CFAP74: variants seen among roughly 807,000 people sequenced by gnomAD.
CFAP74 encodes cilia- and flagella-associated protein 74.
In CFAP74, 124 loss-of-function variants were observed where a neutral mutation model predicts 188.9. That is an observed-to-expected ratio of 0.66 (90% CI 0.57 to 0.76). The LOEUF (loss-of-function observed/expected upper bound fraction) is 0.76. Among genes scored for constraint, CFAP74 ranks in the 30% least tolerant of loss-of-function variants. The pLI is 0.00. For synonymous variants in CFAP74, 956 were observed against 916.7 expected (o/e 1.04, Z -0.77); for missense variants, 2,198 against 2,165.2 (o/e 1.02, Z -0.30).
chr1:1,942,163 G>A lies in CFAP74; in HGVS notation c.2487-7C>T. The stretch of plus-strand genomic sequence containing the variant: ...GCGCAGGGCAGCTTTCGACCTGTGG[G>A]CGTGTCGCAGGGCACTGGGTCAGGT... On this transcript the variant is annotated splice_polypyrimidine_tract_variant and splice_region_variant and intron_variant, in intron 21 of 38. Coordinates refer to ENST00000682832, the MANE Select transcript of CFAP74 (RefSeq NM_001304360.2). This position sits in a 1 kb window ranked among gnomAD's most constrained non-coding sequence, Gnocchi z 4.3. The A allele has an allele frequency of 6.7e-7, 1 of 1,502,332 alleles. No homozygotes were observed. The highest frequency in any genetic ancestry group is 8.8e-7 in the Non-Finnish European group (1 of 1,130,682). 93.1% of individuals were successfully genotyped at this position (1,502,332 alleles called of 1,614,324 possible).
intron 6 of CFAP74, 182 bp downstream of exon 6, chr1:1,985,203 GA>G: frequency 7.3e-6 from 4 of 548,610 alleles, no homozygotes; most frequent in Non-Finnish European, 1.3e-5. Context: ...CAGAGAAACT[GA>G]AAAAGGCAAC....
intron 6 of CFAP74, chr1:1,984,302 T>A (rs1259696939): frequency 4.0e-5 from 4 of 100,822 alleles, no homozygotes; most frequent in African/African-American, 1.4e-4. Context: ...CCCAAAAACT[T>A]TTTTTTTTTT....
chr1:1,986,209 C>T (rs1657225415), intron 5 of CFAP74, among the ~76,000 whole-genome samples: 1 of 152,226 alleles, frequency 6.6e-6, no homozygotes, highest in African/African-American at 2.4e-5. Context: ...ATGGTGAAAC[C>T]CTGTCTCTAC....
rs1301960142 is a variant in CFAP74 at position 1,968,483 on chromosome 1, T to G, written c.1245+152A>C. 7 of 674,638 alleles carry G rather than the reference T, an allele frequency of 1.0e-5. No homozygotes were observed. The East Asian group carries it at 1.5e-4, about 14-fold the overall frequency. The allele number at this position is 674,638 out of a possible 1,614,324, so 41.8% of individuals were successfully genotyped here. ...GTGTCTTGTCCCCTTGTCCTTGAGCTGAGTGGCGGCCACTCAGCGGGCTCA... is the reference window on the plus strand; with the variant it reads ...GTGTCTTGTCCCCTTGTCCTTGAGCGGAGTGGCGGCCACTCAGCGGGCTCA... On this transcript the variant is annotated intron_variant, in intron 11 of 38. Transcript: ENST00000682832. This position sits in a 1 kb window ranked among gnomAD's most constrained non-coding sequence, Gnocchi z 4.3.
chr1:1,928,937 A>G (rs2102033307), intron 26 of CFAP74, 55 bp from the exon 27 acceptor site: 1 of 1,280,790 alleles, frequency 7.8e-7, no homozygotes, highest in South Asian at 1.3e-5. Context: ...ACCTCCCCGG[A>G]GCCCCTGCGG....
rs1481378342 is a variant in CFAP74, at chr1:1,945,444, G to A, written c.2364+873C>T. ...TGAGCCGAGGACTCTGAACACTGTC[G>A]AGGATGCCAGGAGCCTCAACCTGGG... On this transcript the variant is annotated intron_variant, in intron 20 of 38. Transcript: ENST00000682832. Among the ~76,000 whole-genome samples the A allele has an allele frequency of 6.6e-5, 10 of 152,166 alleles. 1 individual carries two copies. Among genetic ancestry groups the A allele is most frequent in the African/African-American group, 1.2e-4 (5 of 41,426 alleles).
chr1:1,937,984 T>A (rs1653018192), intron 25 of CFAP74, among the ~76,000 whole-genome samples: 1 of 151,926 alleles, frequency 6.6e-6, no homozygotes, highest in Non-Finnish European at 1.5e-5. Context: ...TCACGCATGG[T>A]CGCACACTCA....
At chr1:1,995,686 G>C (rs1657880726) in intron 1 of CFAP74, among the ~76,000 whole-genome samples, 1 of 151,844 alleles carries the variant, frequency 6.6e-6, no homozygotes, top group Non-Finnish European at 1.5e-5. Context: ...GAGGTGGGTG[G>C]ATCACGAGGT....
chr1:1,937,177 G>A (rs144854168), intron 25 of CFAP74, among the ~76,000 whole-genome samples: 1 of 152,374 alleles, frequency 6.6e-6, no homozygotes, highest in East Asian at 1.9e-4. Context: ...GATGGAACGT[G>A]CAAAGCACTG....
chr1:1,990,106 T>C (rs925884393), intron 2 of CFAP74, among the ~76,000 whole-genome samples: 1 of 152,210 alleles, frequency 6.6e-6, no homozygotes, highest in Non-Finnish European at 1.5e-5. Context: ...TTTAAGTGGC[T>C]ACGTATTAAA....
chr1:1,960,691 T>C lies in CFAP74; in HGVS notation c.1695-661A>G, dbSNP rs369966721. On this transcript the variant is annotated intron_variant, in intron 14 of 38. Transcript: ENST00000682832. Reference sequence around the variant, plus strand: ...AAAATTTTAATGTAAAATGTGTCCCTGGCTGGCAACATTCCCACGGCACCA... The same window carrying C: ...AAAATTTTAATGTAAAATGTGTCCCCGGCTGGCAACATTCCCACGGCACCA... Among the ~76,000 whole-genome samples the C allele has an allele frequency of 1.6e-4, 24 of 152,350 alleles. No individual in the cohort carries two copies. In the East Asian group the frequency reaches 2.7e-3, roughly 17 times the overall value.
chr1:1,949,845 T>TGTTCATGAA (rs1449109494), intron 18 of CFAP74, among the ~76,000 whole-genome samples: 1 of 152,220 alleles, frequency 6.6e-6, no homozygotes, highest in African/African-American at 2.4e-5. Flanking sequence ...ACTGCCTCTA[T>TGTTCATGAA]CAAAGGTTCA....
At chr1:1,974,715 G>A (rs1009044102) in intron 6 of CFAP74, among the ~76,000 whole-genome samples, 13 of 152,370 alleles carry the variant, frequency 8.5e-5, no homozygotes, top group Admixed American at 3.3e-4. Context: ...GGTCTTGGGC[G>A]AATTTGTCCT....
intron 15 of CFAP74, 81 bp downstream of exon 15, chr1:1,959,883 T>C: frequency 8.1e-7 from 1 of 1,242,108 alleles, no homozygotes; most frequent in Non-Finnish European, 1.1e-6. Context: ...TCCCCCATCA[T>C]GTTCTGCGCC....
intron 18 of CFAP74, among the ~76,000 whole-genome samples, chr1:1,950,413 C>A (rs1297535200): frequency 6.6e-6 from 1 of 150,922 alleles, no homozygotes; most frequent in Non-Finnish European, 1.5e-5. Flanking sequence ...AGTCTCAGCT[C>A]ACTGCAAACT....
intron 1 of CFAP74, among the ~76,000 whole-genome samples, chr1:2,003,238 C>T (rs1237242448): frequency 6.6e-6 from 1 of 152,220 alleles, no homozygotes; most frequent in African/African-American, 2.4e-5. Flanking sequence ...GGCCTGCTTA[C>T]TACCTCAGTA....
At chr1:1,987,114 G>T in intron 4 of CFAP74, 79 bp from the exon 5 acceptor site, 1 of 1,216,362 alleles carries the variant, frequency 8.2e-7, no homozygotes, top group Non-Finnish European at 1.2e-6. Flanking sequence ...TGGCAATGGG[G>T]CCAGGTGAGG....
At position 1,976,734 on chromosome 1, in the gene CFAP74, G is replaced by C. The variant is rs970582279; in HGVS notation, c.501-2536C>G. Among the ~76,000 whole-genome samples the C allele has an allele frequency of 2.0e-5, 3 of 152,196 alleles. No homozygotes were observed. The South Asian group carries it at 6.2e-4, about 32-fold the overall frequency. ...GTTTTTGTATTTTTAGTAGAGACGG[G>C]GTTTCACCATGTTGGCCGGGCTGGT... On this transcript the variant is annotated intron_variant, in intron 6 of 38. Coordinates refer to ENST00000682832, the MANE Select transcript of CFAP74 (RefSeq NM_001304360.2).
At chr1:1,961,429 C>T (rs548022839) in intron 14 of CFAP74, among the ~76,000 whole-genome samples, 12 of 152,258 alleles carry the variant, frequency 7.9e-5, no homozygotes, top group South Asian at 2.1e-4. Context: ...GCACCTGGAC[C>T]GAGGCCACCT....
Sources: gnomAD v4.1 joint callset for allele counts (sites outside exome capture counted in the v4.1 genomes callset) on GRCh38, gnomAD v4.1.1 for gene constraint, Gnocchi (gnomAD v3.1) non-coding constraint, MANE v1.5 for transcripts, NCBI Gene and HGNC (gene_info 2026-07-23, HGNC 2026-07-21) for gene names.